The following MAST3 variants were observed in gnomAD, a reference collection of about 807,000 sequenced individuals.
MAST3 encodes microtubule associated serine/threonine kinase 3, also known as microtubule-associated serine/threonine-protein kinase 3.
A neutral mutation model predicts 127.0 loss-of-function variants in MAST3; 43 were observed. That is an observed-to-expected ratio of 0.34 (90% confidence interval 0.27 to 0.44). The LOEUF (loss-of-function observed/expected upper bound fraction) is 0.44. MAST3 is among the 20% of genes least tolerant of loss of function. The pLI is 1.00. For missense variants in MAST3, 1,390 were observed against 1,919.1 expected, an observed-to-expected ratio of 0.72 and a Z score of 5.15; for synonymous variants, 785 against 809.2, an observed-to-expected ratio of 0.97 and a Z score of 0.51.
intron 1 of MAST3, chr19:18,098,727 G>T: frequency 2.2e-6 from 1 of 456,726 alleles, no homozygotes; most frequent in Non-Finnish European, 4.4e-6. Context: ...CAAGTTTTCA[G>T]GTAGGGAACC....
Position 18,144,768 on chromosome 19 carries a change from T to C in MAST3, c.2812+75T>C, listed in dbSNP as rs1240974954. ...CAACAGGGTGGGGGCCCTTCCTGAG[T>C]TGGGGAGGCTGGGGATGAGCCCCAG... On this transcript the variant is annotated intron_variant, in intron 23 of 27. Transcript: ENST00000687212. This position sits in a 1 kb window ranked among gnomAD's most constrained non-coding sequence, Gnocchi z 4.0. The C allele has an allele frequency of 3.3e-6, 5 of 1,507,600 alleles. No individual in the cohort carries two copies. In the African/African-American group the frequency reaches 4.1e-5, roughly 12 times the overall value. The allele number at this position is 1,507,600 out of a possible 1,614,324, so 93.4% of individuals were successfully genotyped here.
chr19:18,125,464 G>A lies in MAST3; in HGVS notation c.1078+690G>A, dbSNP rs534327174. 1.5e-3 allele frequency among the ~76,000 whole-genome samples: 231 copies of A among 151,056 alleles called. 1 individual carries two copies. Among genetic ancestry groups the A allele is most frequent in the African/African-American group, 5.1e-3 (209 of 41,128 alleles). On this transcript the variant is annotated intron_variant, in intron 11 of 27. Coordinates refer to ENST00000687212, the MANE Select transcript of MAST3 (RefSeq NM_001393504.1). The stretch of plus-strand genomic sequence containing the variant: ...CGGTCAAAAACTCCCACAGCCGGCC[G>A]GGTGCGGTGGCTCACGCCTGTAATC...
chr19:18,151,000 A>G lies in MAST3; in HGVS notation c.*1274A>G, dbSNP rs986305510. 4 of 152,220 alleles carry G rather than the reference A, an allele frequency of 2.6e-5. No individual in the cohort carries two copies. The highest frequency in any genetic ancestry group is 9.7e-5 in the African/African-American group (4 of 41,444). The allele number at this position is 152,220 out of a possible 1,614,324, so 9.4% of individuals were successfully genotyped here. A position where few individuals can be genotyped will look rare whatever the true frequency, so the allele number is the denominator to read the frequency against. ...CCTTGTCCAGTCTACCCTGGACAAG[A>G]TGCCGTGTGTTTGAGGCCCAGCAGA... On this transcript the variant is annotated 3_prime_UTR_variant, in exon 28 of 28. Coordinates refer to ENST00000687212, the MANE Select transcript of MAST3 (RefSeq NM_001393504.1).
At chr19:18,123,116 G>C (rs2040191241) in intron 6 of MAST3, 101 bp from the exon 7 acceptor site, 4 of 1,287,816 alleles carry the variant, frequency 3.1e-6, no homozygotes, top group Non-Finnish European at 4.5e-6. Context: ...GTTACCTTCT[G>C]ATGGCCAGCA....
At chr19:18,101,571 C>A (rs2037623306) in intron 1 of MAST3, among the ~76,000 whole-genome samples, 1 of 152,072 alleles carries the variant, frequency 6.6e-6, no homozygotes, top group Non-Finnish European at 1.5e-5. Context: ...TGTTTGACAC[C>A]CCCTACTCCA....
intron 3 of MAST3, among the ~76,000 whole-genome samples, chr19:18,111,858 C>T (rs568412931): frequency 3.3e-5 from 5 of 152,258 alleles, no homozygotes; most frequent in Admixed American, 3.3e-4. Flanking sequence ...CAATATAGAG[C>T]CCACATTTGG....
chr19:18,118,189 G>A (rs2039520807), intron 3 of MAST3: 4 of 985,448 alleles, frequency 4.1e-6, no homozygotes, highest in Non-Finnish European at 4.8e-6. Flanking sequence ...GCTACTGGAC[G>A]GCGGTGGCGG....
rs371999832 is a variant in MAST3 at position 18,134,800 on chromosome 19, C to T, written c.1705-17C>T. The T allele has an allele frequency of 2.0e-5, 33 of 1,613,816 alleles. No homozygotes were observed. The South Asian group carries it at 2.3e-4, about 11-fold the overall frequency. ...GGCTGGGGGCTGGCCTCAGTTTCCC[C>T]GTTCTCCCTGGCCCAGGTGTGTGGG... On this transcript the variant is annotated splice_polypyrimidine_tract_variant and intron_variant, in intron 16 of 27. Coordinates refer to ENST00000687212, the MANE Select transcript of MAST3 (RefSeq NM_001393504.1).
At chr19:18,139,913 G>A (rs1434258162) in intron 20 of MAST3, among the ~76,000 whole-genome samples, 3 of 144,690 alleles carry the variant, frequency 2.1e-5, no homozygotes, top group Non-Finnish European at 3.0e-5. Context: ...TCCGCCTCCC[G>A]GGTTCACGCC....
intron 3 of MAST3, among the ~76,000 whole-genome samples, chr19:18,114,192 CTTT>C (rs59829048): frequency 7.1e-6 from 1 of 141,130 alleles, no homozygotes; most frequent in Admixed American, 7.1e-5. Flanking sequence ...TTTTCTTTTT[CTTT>C]TTTTTTTTTT....
Position 18,147,566 on chromosome 19 carries a change from C to G in MAST3, c.3450C>G (p.His1150Gln), listed in dbSNP as rs1394882245. The G allele has an allele frequency of 1.3e-6, 2 of 1,584,220 alleles. No homozygotes were observed. Among genetic ancestry groups the G allele is most frequent in the Non-Finnish European group, 8.6e-7 (1 of 1,166,072 alleles). The change falls in exon 27 of 28, where the codon CAC becomes CAG. Residue 1150 changes from histidine to glutamine, a missense_variant. Around this residue, in one of 5 missense-constraint regions of MAST3, gnomAD observed 816 missense variants for 934.1 expected, o/e 0.87. Transcript: ENST00000687212. ...SSESLPGSPT[H>Q]SLSPSPTTPC... ...AGAGCCTCCCCGGCTCGCCCACCCA[C>G]AGCCTCTCCCCCAGCCCCACCACTC... is the stretch of plus-strand genomic sequence containing the variant.
Position 18,131,889 on chromosome 19 carries a change from TA to T in MAST3, c.1433-19del. 1 of 1,556,946 alleles carries T rather than the reference TA, an allele frequency of 6.4e-7. No individual in the cohort carries two copies. Among genetic ancestry groups the T allele is most frequent in the Non-Finnish European group, 8.7e-7 (1 of 1,154,852 alleles). ...GCGGGGGTGCCCCGGGCCTCATGAC[TA>T]CATCCGCCCTTCTCCCAGGCGGCGA... is the stretch of plus-strand genomic sequence containing the variant. On this transcript the variant is annotated intron_variant, in intron 14 of 27. Coordinates refer to ENST00000687212, the MANE Select transcript of MAST3 (RefSeq NM_001393504.1).
intron 15 of MAST3, 65 bp downstream of exon 15, chr19:18,132,112 C>T: frequency 1.3e-6 from 2 of 1,591,500 alleles, no homozygotes; most frequent in South Asian, 2.3e-5. Flanking sequence ...AGGGGCGGGG[C>T]CAAAGAGGAT....
At position 18,145,896 on chromosome 19, in the gene MAST3, C is replaced by T; in HGVS notation, c.3162+31C>T. On this transcript the variant is annotated intron_variant, in intron 25 of 27. Transcript: ENST00000687212. This position sits in a 1 kb window ranked among gnomAD's most constrained non-coding sequence, Gnocchi z 5.9. The stretch of plus-strand genomic sequence containing the variant: ...GCACCCCCACTGCCCACCCTCAGGG[C>T]TCCCCAGCACCCCTTGGCCGCAGCT... 6.5e-7 allele frequency: 1 copy of T among 1,548,130 alleles called. No individual in the cohort carries two copies. The highest frequency in any genetic ancestry group is 1.2e-5 in the South Asian group (1 of 81,810).
intron 1 of MAST3, among the ~76,000 whole-genome samples, chr19:18,102,025 C>T (rs1028692063): frequency 1.4e-4 from 21 of 151,552 alleles, no homozygotes; most frequent in Admixed American, 7.9e-4. Context: ...GGACTACAGG[C>T]TCCTGCCACC....
intron 27 of MAST3, among the ~76,000 whole-genome samples, chr19:18,148,536 G>T (rs2043266102): frequency 1.3e-5 from 2 of 152,130 alleles, no homozygotes; most frequent in Admixed American, 6.6e-5. Flanking sequence ...GGGAGTAGGA[G>T]CTGGGGCTTT....
chr19:18,133,711 G>A (rs1431987179), intron 15 of MAST3, among the ~76,000 whole-genome samples: 2 of 151,872 alleles, frequency 1.3e-5, no homozygotes, highest in African/African-American at 4.8e-5. Context: ...GCGCCACCAC[G>A]CCCAGATAAT....
Position 18,134,588 on chromosome 19 carries a change from C to T in MAST3, c.1581C>T (p.Ile527=). 6.2e-7 allele frequency: 1 copy of T among 1,611,778 alleles called. No individual in the cohort carries two copies. The highest frequency in any genetic ancestry group is 8.5e-7 in the Non-Finnish European group (1 of 1,178,602). Residue 527 remains isoleucine (I), a synonymous_variant, in exon 16 of 28, where the codon ATC becomes ATT. Coordinates refer to ENST00000687212, the MANE Select transcript of MAST3 (RefSeq NM_001393504.1). ...HRDLKPDNLL[I]TSLGHIKLTD... is the part of the protein sequence containing the mutation. ...CCTAACCTGCCCACAGTCTGCTCAT[C>T]ACCTCGCTTGGCCACATCAAGCTCA...
intron 2 of MAST3, among the ~76,000 whole-genome samples, chr19:18,109,108 T>G (rs1234392030): frequency 6.6e-6 from 1 of 152,212 alleles, no homozygotes; most frequent in East Asian, 1.9e-4. Flanking sequence ...AGAATGGCAT[T>G]CCAAGCAGCA....
Sources: gnomAD v4.1 joint callset for allele counts (sites outside exome capture counted in the v4.1 genomes callset) on GRCh38, gnomAD v4.1.1 for gene constraint, gnomAD v4.1.1 regional missense constraint, Gnocchi (gnomAD v3.1) non-coding constraint, MANE v1.5 for transcripts, NCBI Gene and HGNC (gene_info 2026-07-23, HGNC 2026-07-21) for gene names.